ASIC2: variants seen among roughly 807,000 people sequenced by gnomAD.
ASIC2 encodes the protein acid sensing ion channel subunit 2.
A neutral mutation model predicts 57.3 loss-of-function variants in ASIC2; 25 were observed. The observed-to-expected ratio is 0.44, with a 90% CI of 0.32 to 0.61. The LOEUF (loss-of-function observed/expected upper bound fraction) is 0.61. ASIC2 is among the 20% of genes least tolerant of loss of function. ASIC2 has a pLI of 0.06. For missense variants in ASIC2, 641 were observed against 738.1 expected (o/e 0.87, Z 1.52); for synonymous variants, 319 against 307.5 (o/e 1.04, Z -0.39).
At chr17:34,048,163 C>T (rs557832158) in intron 1 of ASIC2, among the ~76,000 whole-genome samples, 1 of 152,182 alleles carries the variant, frequency 6.6e-6, no homozygotes, top group South Asian at 2.1e-4. Context: ...TGTCTAACTG[C>T]CTGTGTGTTC....
At chr17:33,716,278 G>A (rs909046109) in intron 1 of ASIC2, among the ~76,000 whole-genome samples, 2 of 152,150 alleles carry the variant, frequency 1.3e-5, no homozygotes, top group Non-Finnish European at 1.5e-5. Context: ...AACCTTCAAT[G>A]ATTTCTTTGG....
intron 1 of ASIC2, among the ~76,000 whole-genome samples, chr17:34,031,044 G>C (rs978516471): frequency 6.6e-6 from 1 of 152,232 alleles, no homozygotes; most frequent in Middle Eastern, 3.2e-3. Flanking sequence ...CTGGAGATCT[G>C]AGATCGGGCA....
intron 1 of ASIC2, among the ~76,000 whole-genome samples, chr17:33,178,194 A>G (rs1905836782): frequency 6.6e-6 from 1 of 152,222 alleles, no homozygotes; most frequent in Non-Finnish European, 1.5e-5. Context: ...GCATATGTTC[A>G]TTAGCTTGAT....
chr17:33,162,515 C>T (rs928908918), intron 1 of ASIC2, among the ~76,000 whole-genome samples: 4 of 152,130 alleles, frequency 2.6e-5, no homozygotes, highest in African/African-American at 9.7e-5. Flanking sequence ...TCCTCACAGC[C>T]CCCTCCTGTC....
At chr17:33,795,079 C>G (rs1472694019) in intron 1 of ASIC2, among the ~76,000 whole-genome samples, 1 of 152,194 alleles carries the variant, frequency 6.6e-6, no homozygotes, top group East Asian at 1.9e-4. Flanking sequence ...CAGAGCAAAG[C>G]TGGAGATTGT....
intron 1 of ASIC2, among the ~76,000 whole-genome samples, chr17:33,259,326 G>T (rs912420515): frequency 6.6e-6 from 1 of 152,066 alleles, no homozygotes; most frequent in Non-Finnish European, 1.5e-5. Flanking sequence ...TACAATTCAC[G>T]CCATCAGTCT....
chr17:33,110,535 CAT>C (rs914327362), intron 2 of ASIC2, among the ~76,000 whole-genome samples: 4 of 152,186 alleles, frequency 2.6e-5, no homozygotes, highest in Non-Finnish European at 4.4e-5. Flanking sequence ...GGCGCAGTGA[CAT>C]GTGTGTGGCC....
chr17:33,541,036 A>G (rs945987569), intron 1 of ASIC2, among the ~76,000 whole-genome samples: 1 of 152,146 alleles, frequency 6.6e-6, no homozygotes, highest in Non-Finnish European at 1.5e-5. Context: ...TGTGGTTTAC[A>G]AAAGAGATCT....
chr17:33,347,240 A>G (rs920835276), intron 1 of ASIC2, among the ~76,000 whole-genome samples: 8 of 152,252 alleles, frequency 5.3e-5, no homozygotes, highest in Non-Finnish European at 1.2e-4. Context: ...ATGGATTCAC[A>G]TGAGCATCTT....
At chr17:34,042,429 C>A (rs772765820) in intron 1 of ASIC2, among the ~76,000 whole-genome samples, 1 of 151,736 alleles carries the variant, frequency 6.6e-6, no homozygotes, top group Non-Finnish European at 1.5e-5. Context: ...GTAATTATCC[C>A]GAGTAAAAGA....
intron 1 of ASIC2, among the ~76,000 whole-genome samples, chr17:33,796,354 G>A (rs908080093): frequency 6.6e-6 from 1 of 152,006 alleles, no homozygotes; most frequent in Non-Finnish European, 1.5e-5. Flanking sequence ...AAGTCATTTT[G>A]CTCCTCAGGA....
At chr17:33,523,379 C>T (rs1342273741) in intron 1 of ASIC2, among the ~76,000 whole-genome samples, 1 of 152,182 alleles carries the variant, frequency 6.6e-6, no homozygotes, top group East Asian at 1.9e-4. Context: ...GCCTCAGCCT[C>T]CCGAGTAGCT....
chr17:34,075,104 AG>A (rs1205490040), intron 1 of ASIC2, among the ~76,000 whole-genome samples: 13 of 152,202 alleles, frequency 8.5e-5, no homozygotes, highest in African/African-American at 3.1e-4. Flanking sequence ...CTTTAAAGTG[AG>A]GAAGAAGCTG....
chr17:33,111,967 A>G lies in ASIC2; in HGVS notation c.809T>C (p.Ile270Thr). ...CTCATCCTGCTGAATGTCCAGCATG[A>G]TCTCCAGCCCGTTGCCTGTCCCCCC... ...VKGGTGNGLEIMLDIQQDEYL... is the reference protein window; with the variant it reads ...VKGGTGNGLETMLDIQQDEYL... The change falls in exon 2 of 10, where the codon ATC (isoleucine) becomes ACC (threonine). Residue 270 changes from isoleucine (I) to threonine (T), a missense_variant. Physicochemically the swap from Ile to Thr is moderately conservative, Grantham distance 89 (BLOSUM62 -1). This residue lies in a region of ASIC2 where 382 missense variants were observed against 398.0 expected (regional missense o/e 0.96). Transcript: ENST00000225823. The G allele has an allele frequency of 6.2e-7, 1 of 1,613,862 alleles. No homozygotes were observed. Among genetic ancestry groups the G allele is most frequent in the Non-Finnish European group, 8.5e-7 (1 of 1,179,934 alleles).
intron 1 of ASIC2, among the ~76,000 whole-genome samples, chr17:33,632,083 C>T (rs538589345): frequency 6.6e-6 from 1 of 152,186 alleles, no homozygotes; most frequent in Admixed American, 6.5e-5. Context: ...CCTGGTTCTG[C>T]CACTTATTAG....
chr17:33,519,267 G>A (rs995871573), intron 1 of ASIC2, among the ~76,000 whole-genome samples: 3 of 152,202 alleles, frequency 2.0e-5, no homozygotes, highest in African/African-American at 4.8e-5. Flanking sequence ...TGGCCCTTCC[G>A]TTATACAAAT....
intron 1 of ASIC2, among the ~76,000 whole-genome samples, chr17:34,096,520 T>C (rs1051565294): frequency 1.3e-5 from 2 of 151,856 alleles, no homozygotes; most frequent in African/African-American, 4.8e-5. Flanking sequence ...ATGATTTTAG[T>C]GTTATGGAAA....
chr17:33,295,326 G>T (rs16968229), upstream of ASIC2, among the ~76,000 whole-genome samples: 3 of 152,120 alleles, frequency 2.0e-5, no homozygotes, highest in Non-Finnish European at 4.4e-5. Context: ...AAAGACACAC[G>T]GGCAGCTAGT....
At chr17:33,033,211 C>T (rs1157181018) in intron 3 of ASIC2, among the ~76,000 whole-genome samples, 3 of 152,186 alleles carry the variant, frequency 2.0e-5, no homozygotes, top group Non-Finnish European at 2.9e-5. Flanking sequence ...ACTGGAGCTC[C>T]CCATGCCACT....
Sources: gnomAD v4.1 joint callset for allele counts (sites outside exome capture counted in the v4.1 genomes callset) on GRCh38, gnomAD v4.1.1 for gene constraint, gnomAD v4.1.1 regional missense constraint, MANE v1.5 for transcripts, NCBI Gene and HGNC (gene_info 2026-07-23, HGNC 2026-07-21) for gene names.